The following ABTB2 variants were observed in gnomAD, a reference collection of about 807,000 sequenced individuals.
The protein encoded by ABTB2 is ankyrin repeat and BTB/POZ domain-containing protein 2.
In ABTB2, 56 loss-of-function variants were observed where a neutral mutation model predicts 104.1. The ratio of observed to expected loss-of-function variants is 0.54; its 90% CI spans 0.43 to 0.67. The LOEUF is 0.67. Ranked by LOEUF, ABTB2 falls within the 30% of genes least tolerant of loss-of-function variation. The probability of loss-of-function intolerance (pLI) is 0.00; values close to 1 mark genes in which losing one functional copy is unlikely to be tolerated. For synonymous variants in ABTB2, 606 were observed against 608.2 expected (o/e 1.00, Z 0.05); for missense variants, 1,279 against 1,407.7 (o/e 0.91, Z 1.46).
chr11:34,160,399 G>C (rs772065792), intron 11 of ABTB2, 46 bp from the exon 12 acceptor site: 3 of 1,391,890 alleles, frequency 2.2e-6, no homozygotes, highest in Non-Finnish European at 3.1e-6. Flanking sequence ...GCTGTGGCTG[G>C]CTGTTCACAG....
intron 14 of ABTB2, among the ~76,000 whole-genome samples, chr11:34,156,605 C>G (rs1485085178): frequency 6.6e-6 from 1 of 151,810 alleles, no homozygotes; most frequent in Non-Finnish European, 1.5e-5. Context: ...CTCACCGCAA[C>G]CTCCACCTCC....
At position 34,356,759 on chromosome 11, in the gene ABTB2, G is replaced by A. The variant is rs141635150; in HGVS notation, c.825C>T (p.Ala275=). The change falls in exon 1 of 17, where the codon GCC becomes GCT. Residue 275 remains alanine (A), a synonymous_variant. Transcript: ENST00000435224. The surrounding 1 kb of genome is among the most constrained non-coding windows in gnomAD (Gnocchi z 4.6). ...EALEMVINND[A]ELWGVLQPYE... Reference sequence around the variant, plus strand: ...AGGGCTGCAAGACGCCCCAGAGCTCGGCGTCGTTGTTGATGACCATCTCCA... The same window carrying A: ...AGGGCTGCAAGACGCCCCAGAGCTCAGCGTCGTTGTTGATGACCATCTCCA... 1 of 1,611,606 alleles carries A rather than the reference G, an allele frequency of 6.2e-7. No homozygotes were observed. Among genetic ancestry groups the A allele is most frequent in the Middle Eastern group, 1.7e-4 (1 of 6,058 alleles).
chr11:34,291,420 A>G (rs951504116), intron 1 of ABTB2, among the ~76,000 whole-genome samples: 1 of 152,238 alleles, frequency 6.6e-6, no homozygotes, highest in Non-Finnish European at 1.5e-5. Context: ...AAGATCACAG[A>G]GTAGAACAGA....
chr11:34,259,031 T>C (rs930576518), intron 1 of ABTB2, among the ~76,000 whole-genome samples: 10 of 152,354 alleles, frequency 6.6e-5, no homozygotes, highest in Admixed American at 4.6e-4. Context: ...TGTGTGAGGA[T>C]TGAACATTTA....
intron 1 of ABTB2, among the ~76,000 whole-genome samples, chr11:34,225,611 C>T (rs1853675480): frequency 6.6e-6 from 1 of 151,280 alleles, no homozygotes; most frequent in Admixed American, 6.6e-5. Context: ...CAAAATTAGC[C>T]CGGTGTGGTG....
Position 34,272,706 on chromosome 11 carries a change from C to CAAAAAAAAAAAAA in ABTB2, c.884-68029_884-68017dup, listed in dbSNP as rs35638814. 1.8e-3 allele frequency among the ~76,000 whole-genome samples: 73 copies of CAAAAAAAAAAAAA among 41,046 alleles called. 1 individual carries two copies. The highest frequency in any genetic ancestry group is 6.9e-3 in the African/African-American group (69 of 10,066). 26.9% of individuals were successfully genotyped at this position (41,046 alleles called of 152,430 possible). On this transcript the variant is annotated intron_variant, in intron 1 of 16. Transcript: ENST00000435224. ...TGGGCGACAGAGTAAGACTCCGTCT[C>CAAAAAAAAAAAAA]AAAAAAAAAAAAAAAAAAAAAAAAA...
rs544445131 is a variant in ABTB2, at chr11:34,162,719, T to C, written c.2075A>G (p.Glu692Gly). ...SLEEILAEGV[E>G]ESDASSQGSG... ...GCCCTGGCTCGACGCATCACTTTCC[T>C]CCACACCCTCGGCCAGGATCTCCTC... The change falls in exon 10 of 17, where the codon GAG becomes GGG. Residue 692 changes from glutamate to glycine, a missense_variant. Physicochemically the swap from Glu to Gly is moderately conservative, Grantham distance 98. Transcript: ENST00000435224. The C allele has an allele frequency of 1.2e-6, 2 of 1,612,178 alleles. No homozygotes were observed. The highest frequency in any genetic ancestry group is 2.2e-5 in the South Asian group (2 of 91,086).
intron 1 of ABTB2, among the ~76,000 whole-genome samples, chr11:34,350,379 C>T (rs1834637230): frequency 2.0e-5 from 3 of 152,190 alleles, no homozygotes. Flanking sequence ...CTGACCCGCC[C>T]ATCCTTTAGA....
At position 34,357,135 on chromosome 11, in the gene ABTB2, T is replaced by C; in HGVS notation, c.449A>G (p.His150Arg). The C allele has an allele frequency of 6.6e-7, 1 of 1,503,894 alleles. No individual in the cohort carries two copies. The highest frequency in any genetic ancestry group is 8.8e-7 in the Non-Finnish European group (1 of 1,133,226). 93.2% of individuals were successfully genotyped at this position (1,503,894 alleles called of 1,614,324 possible). A position where few individuals can be genotyped will look rare whatever the true frequency, so the allele number is the denominator to read the frequency against. Reference sequence around the variant, plus strand: ...CACCTCAAAGCGGGTGCACTTGGCGTGCAGCACGCTCAGGCGCTGCGCCTC... The same window carrying C: ...CACCTCAAAGCGGGTGCACTTGGCGCGCAGCACGCTCAGGCGCTGCGCCTC... ...AREAQRLSVL[H>R]AKCTRFEVQS... Residue 150 changes from histidine to arginine, a missense_variant, in exon 1 of 17, where the codon CAC becomes CGC. His to Arg is a conservative substitution (Grantham distance 29). Transcript: ENST00000435224.
chr11:34,275,452 T>C (rs532877631), intron 1 of ABTB2, among the ~76,000 whole-genome samples: 40 of 152,148 alleles, frequency 2.6e-4, no homozygotes, highest in African/African-American at 9.4e-4. Flanking sequence ...GACCATGGCA[T>C]GTCACATGCC....
chr11:34,229,308 C>T lies in ABTB2; in HGVS notation c.884-24618G>A, dbSNP rs527512820. 2.3e-3 allele frequency among the ~76,000 whole-genome samples: 352 copies of T among 150,962 alleles called. 1 individual carries two copies. Among genetic ancestry groups the T allele is most frequent in the Non-Finnish European group, 2.9e-3 (196 of 67,784 alleles). ...CCATCCTGGCTAACACGATGAAACCCGTCTCTACCAAAAATACAAAAAATT... is the reference window on the plus strand; with the variant it reads ...CCATCCTGGCTAACACGATGAAACCTGTCTCTACCAAAAATACAAAAAATT... On this transcript the variant is annotated intron_variant, in intron 1 of 16. Coordinates refer to ENST00000435224, the MANE Select transcript of ABTB2 (RefSeq NM_145804.3).
chr11:34,323,861 C>T (rs1855034558), intron 1 of ABTB2, among the ~76,000 whole-genome samples: 1 of 147,828 alleles, frequency 6.8e-6, no homozygotes, highest in Non-Finnish European at 1.5e-5. Flanking sequence ...CAAAGCAAAA[C>T]AAATGACTAA....
chr11:34,249,701 GT>G (rs1854032124), intron 1 of ABTB2, among the ~76,000 whole-genome samples: 1 of 152,190 alleles, frequency 6.6e-6, no homozygotes, highest in Non-Finnish European at 1.5e-5. Context: ...CTGGAGTGCC[GT>G]GGTGTAATCA....
At chr11:34,312,399 G>A (rs932264671) in intron 1 of ABTB2, among the ~76,000 whole-genome samples, 11 of 152,140 alleles carry the variant, frequency 7.2e-5, no homozygotes, top group Admixed American at 3.3e-4. Context: ...ACTATAAACC[G>A]GGGGTGGTGA....
intron 1 of ABTB2, among the ~76,000 whole-genome samples, chr11:34,308,451 T>C (rs1282783624): frequency 6.6e-6 from 1 of 152,142 alleles, no homozygotes; most frequent in African/African-American, 2.4e-5. Context: ...CCATTTAATA[T>C]TGGGACCAAC....
chr11:34,254,607 A>G (rs1201559579), intron 1 of ABTB2, among the ~76,000 whole-genome samples: 3 of 151,240 alleles, frequency 2.0e-5, no homozygotes, highest in South Asian at 4.2e-4. Flanking sequence ...ACTGCTGAAT[A>G]TGGTAGCCAC....
intron 3 of ABTB2, among the ~76,000 whole-genome samples, chr11:34,195,189 G>A (rs539640620): frequency 1.3e-4 from 19 of 151,672 alleles, no homozygotes; most frequent in African/African-American, 4.1e-4. Context: ...TGAAGAAGGC[G>A]CCTGTCCTCC....
At chr11:34,269,897 C>T (rs1385406163) in intron 1 of ABTB2, among the ~76,000 whole-genome samples, 1 of 152,188 alleles carries the variant, frequency 6.6e-6, no homozygotes, top group Non-Finnish European at 1.5e-5. Flanking sequence ...TCACGTGACT[C>T]GATCCTCTCA....
At chr11:34,173,768 A>T (rs1368641549) in intron 3 of ABTB2, among the ~76,000 whole-genome samples, 1 of 152,096 alleles carries the variant, frequency 6.6e-6, no homozygotes, top group African/African-American at 2.4e-5. Context: ...CACAGCTAAG[A>T]GTCTCACAGA....
Sources: allele counts gnomAD v4.1 joint callset (sites outside exome capture counted in the v4.1 genomes callset), GRCh38; gene constraint gnomAD v4.1.1; non-coding constraint Gnocchi (gnomAD v3.1); transcripts MANE v1.5; gene names NCBI Gene and HGNC (gene_info 2026-07-23, HGNC 2026-07-21).